BMAL2: variants seen among roughly 807,000 people sequenced by gnomAD.
BMAL2 encodes the protein basic helix-loop-helix ARNT like 2, also known as basic helix-loop-helix ARNT-like protein 2.
chr12:27,398,186 A>G, the BMAL2 span, among the ~76,000 whole-genome samples: 1 of 152,248 alleles, frequency 6.6e-6, no homozygotes, highest in East Asian at 1.9e-4. Context: ...CAAGATTTCA[A>G]GTGAAGACAG....
chr12:27,363,080 G>T, the BMAL2 span, among the ~76,000 whole-genome samples: 1 of 152,108 alleles, frequency 6.6e-6, no homozygotes, highest in Non-Finnish European at 1.5e-5. Context: ...TTCATGCTGG[G>T]ATTACAGGCA....
At chr12:27,401,506 T>C in the BMAL2 span, 1 of 1,567,448 alleles carries the variant, frequency 6.4e-7, no homozygotes, top group Non-Finnish European at 8.7e-7. Context: ...ATGCTGATAA[T>C]TATCTTTTCT....
chr12:27,370,847 A>G, the BMAL2 span, among the ~76,000 whole-genome samples: 2 of 151,826 alleles, frequency 1.3e-5, no homozygotes, highest in Non-Finnish European at 2.9e-5. Flanking sequence ...CTCGTGATCC[A>G]CCCACCTTGG....
the BMAL2 span, among the ~76,000 whole-genome samples, chr12:27,374,249 A>G: frequency 2.6e-5 from 4 of 152,190 alleles, no homozygotes; most frequent in African/African-American, 9.7e-5. Flanking sequence ...TGGGCAACCA[A>G]CCAAAAGTTG....
chr12:27,385,664 T>TC, the BMAL2 span: 10 of 683,996 alleles, frequency 1.5e-5, no homozygotes, highest in Non-Finnish European at 2.5e-5. Context: ...CATATGGGAC[T>TC]CCATATTACA....
chr12:27,390,592 C>T, the BMAL2 span: 2 of 200,450 alleles, frequency 1.0e-5, no homozygotes, highest in African/African-American at 4.8e-5. Flanking sequence ...AAAAAAACTT[C>T]AATAGTACAA....
chr12:27,336,333 C>T, the BMAL2 span, among the ~76,000 whole-genome samples: 1 of 152,140 alleles, frequency 6.6e-6, no homozygotes, highest in Non-Finnish European at 1.5e-5. Flanking sequence ...TGGTTCTCAG[C>T]ATCCCAGCCC....
At chr12:27,368,251 G>T in the BMAL2 span, 3 of 1,613,936 alleles carry the variant, frequency 1.9e-6, no homozygotes, top group Non-Finnish European at 2.5e-6. Context: ...GTTGTACTCT[G>T]CTGCCCATAG....
At chr12:27,361,487 T>C in the BMAL2 span, among the ~76,000 whole-genome samples, 1 of 152,162 alleles carries the variant, frequency 6.6e-6, no homozygotes, top group Non-Finnish European at 1.5e-5. Flanking sequence ...CATTCACCAC[T>C]GAGAAGTCAC....
At chr12:27,383,067 A>G in the BMAL2 span, among the ~76,000 whole-genome samples, 2 of 152,198 alleles carry the variant, frequency 1.3e-5, no homozygotes, top group South Asian at 2.1e-4. Context: ...CTGTGTCTGC[A>G]ATCTGATTAC....
At chr12:27,372,925 G>A in the BMAL2 span, among the ~76,000 whole-genome samples, 10 of 152,188 alleles carry the variant, frequency 6.6e-5, no homozygotes, top group African/African-American at 1.9e-4. Context: ...TGCCCACCTC[G>A]GCCTCCCAAA....
the BMAL2 span, among the ~76,000 whole-genome samples, chr12:27,333,785 A>C: frequency 2.0e-5 from 3 of 152,210 alleles, no homozygotes; most frequent in Admixed American, 2.0e-4. Flanking sequence ...AGCTTGTTCG[A>C]TTATGTATTT....
the BMAL2 span, among the ~76,000 whole-genome samples, chr12:27,346,172 C>T: frequency 6.6e-6 from 1 of 152,158 alleles, no homozygotes; most frequent in African/African-American, 2.4e-5. Flanking sequence ...TGTTTCTGAT[C>T]TTTCTGTCTT....
chr12:27,404,905 C>A, the BMAL2 span, among the ~76,000 whole-genome samples: 2 of 152,224 alleles, frequency 1.3e-5, no homozygotes, highest in African/African-American at 4.8e-5. Flanking sequence ...CACCCTAACA[C>A]TGCACTTTTC....
chr12:27,418,202 T>C, the BMAL2 span: 1 of 1,592,234 alleles, frequency 6.3e-7, no homozygotes, highest in Non-Finnish European at 8.6e-7. Flanking sequence ...CCTCAGTAAG[T>C]TTTCTTTGGG....
At chr12:27,401,425 T>C in the BMAL2 span, 2 of 1,557,826 alleles carry the variant, frequency 1.3e-6, no homozygotes, top group Non-Finnish European at 1.8e-6. Flanking sequence ...TAACTCTTAA[T>C]TTCCCATTCC....
At chr12:27,371,215 G>C in the BMAL2 span, among the ~76,000 whole-genome samples, 2 of 152,156 alleles carry the variant, frequency 1.3e-5, no homozygotes, top group African/African-American at 4.8e-5. Context: ...AGGTATGATG[G>C]CGTATGCCTG....
the BMAL2 span, among the ~76,000 whole-genome samples, chr12:27,369,271 A>C: frequency 6.6e-6 from 1 of 151,260 alleles, no homozygotes; most frequent in African/African-American, 2.4e-5. Context: ...ATAATAAAAC[A>C]TCCTAGCTCT....
chr12:27,407,487 A>G, the BMAL2 span, among the ~76,000 whole-genome samples: 4 of 152,346 alleles, frequency 2.6e-5, no homozygotes, highest in African/African-American at 7.2e-5. Flanking sequence ...CTGCTCCTGA[A>G]TGACTACTGG....
Sources: allele counts gnomAD v4.1 joint callset (sites outside exome capture counted in the v4.1 genomes callset), GRCh38; gene constraint gnomAD v4.1.1; transcripts MANE v1.5; gene names NCBI Gene and HGNC (gene_info 2026-07-23, HGNC 2026-07-21).